ART3: variants seen among roughly 807,000 people sequenced by gnomAD.
The protein encoded by ART3 is ADP-ribosyltransferase 3 (inactive).
Under a neutral mutation model 48.5 loss-of-function variants are expected in ART3, and 49 were observed. The observed-to-expected ratio is 1.01, with a 90% confidence interval of 0.80 to 1.28. The LOEUF (loss-of-function observed/expected upper bound fraction) is 1.28, where lower values mean the gene tolerates loss of function less well. Ranked by LOEUF, ART3 falls within the 50% of genes most tolerant of loss-of-function variation. ART3 has a pLI of 0.00. For synonymous variants in ART3, 145 were observed against 157.2 expected, an observed-to-expected ratio of 0.92 and a Z score of 0.58; for missense variants, 438 against 454.3, an observed-to-expected ratio of 0.96 and a Z score of 0.33.
At chr4:76,089,190 A>G (rs1474822157) in intron 3 of ART3, among the ~76,000 whole-genome samples, 2 of 152,274 alleles carry the variant, frequency 1.3e-5, no homozygotes, top group East Asian at 1.9e-4. Context: ...ATTGTGTACT[A>G]TCTCATTTCC....
At chr4:76,068,035 G>A (rs995133692) in intron 1 of ART3, among the ~76,000 whole-genome samples, 1 of 152,144 alleles carries the variant, frequency 6.6e-6, no homozygotes, top group African/African-American at 2.4e-5. Context: ...TCATTCATGG[G>A]CCATTGCATT....
intron 1 of ART3, among the ~76,000 whole-genome samples, chr4:76,044,525 C>T (rs1195930381): frequency 6.6e-6 from 1 of 151,764 alleles, no homozygotes; most frequent in African/African-American, 2.4e-5. Context: ...CAGAAATTTA[C>T]CCTGGCTTTT....
At chr4:76,075,124 A>G in intron 1 of ART3, 1 of 152,182 alleles carries the variant, frequency 6.6e-6, no homozygotes. Context: ...AATCCAGAAT[A>G]TGGTGATTGG....
In ART3 at chr4:76,112,383, C is replaced by T. The variant is rs1267419679; in HGVS notation, c.1037-3C>T. The T allele has an allele frequency of 1.6e-5, 25 of 1,612,040 alleles. No homozygotes were observed. Among genetic ancestry groups the T allele is most frequent in the Non-Finnish European group, 2.0e-5 (24 of 1,179,254 alleles). ...GTCAGTGACTGTGTATTCTTGTTAA[C>T]AGCTCCAGGTCCAGTTCCTGTTCCA... is the stretch of plus-strand genomic sequence containing the variant. On this transcript the variant is annotated splice_region_variant and splice_polypyrimidine_tract_variant and intron_variant, in intron 11 of 11. Coordinates refer to ENST00000355810, the MANE Select transcript of ART3 (RefSeq NM_001130016.3).
chr4:76,047,551 T>C (rs934080374), intron 1 of ART3, among the ~76,000 whole-genome samples: 1 of 151,940 alleles, frequency 6.6e-6, no homozygotes, highest in Non-Finnish European at 1.5e-5. Flanking sequence ...TTATGGCGGA[T>C]ATCATTGAAT....
intron 3 of ART3, among the ~76,000 whole-genome samples, chr4:76,095,455 C>T (rs1401281067): frequency 4.6e-5 from 7 of 152,150 alleles, no homozygotes; most frequent in Non-Finnish European, 1.0e-4. Context: ...TTGCAGTGAG[C>T]CGAGATCGTG....
At chr4:76,020,174 T>G (rs1732663346) in intron 1 of ART3, among the ~76,000 whole-genome samples, 1 of 151,942 alleles carries the variant, frequency 6.6e-6, no homozygotes, top group South Asian at 2.1e-4. Flanking sequence ...TTGCCCAAGC[T>G]GGAGTGCAGT....
chr4:76,109,323 G>A (rs981162878), intron 11 of ART3, among the ~76,000 whole-genome samples: 24 of 151,838 alleles, frequency 1.6e-4, no homozygotes, highest in African/African-American at 5.8e-4. Context: ...TACAGGGTCA[G>A]GATCATCAAT....
chr4:76,070,143 A>C (rs1181967236), upstream of ART3, among the ~76,000 whole-genome samples: 1 of 151,322 alleles, frequency 6.6e-6, no homozygotes, highest in Non-Finnish European at 1.5e-5. Flanking sequence ...AGGTGTGAAC[A>C]TACACTTTAA....
rs570377152 is a variant in ART3, at chr4:76,041,807, C to A, written c.-10+30487C>A. 7.9e-5 allele frequency among the ~76,000 whole-genome samples: 12 copies of A among 152,320 alleles called. No individual in the cohort carries two copies. In the East Asian group the frequency reaches 2.3e-3, roughly 29 times the overall value. On this transcript the variant is annotated intron_variant, in intron 1 of 9. Coordinates refer to the ART3 transcript ENST00000341029. ...GCATGTATTATATACTGACTCCATA[C>A]TTATTTTAAACTAAAGCTGAGGTTG...
intron 1 of ART3, among the ~76,000 whole-genome samples, chr4:76,038,363 C>T (rs1446212622): frequency 1.3e-5 from 2 of 152,112 alleles, no homozygotes; most frequent in Non-Finnish European, 2.9e-5. Flanking sequence ...ATACAGGGCT[C>T]AGTACTATCT....
intron 9 of ART3, 184 bp from the exon 10 acceptor site, chr4:76,104,413 T>G (rs1728015999): frequency 1.0e-6 from 1 of 985,306 alleles, no homozygotes; most frequent in Admixed American, 6.2e-5. Context: ...AGAAGACTCC[T>G]CTAATCATGG....
intron 11 of ART3, among the ~76,000 whole-genome samples, chr4:76,108,620 CCT>C (rs1728908353): frequency 1.3e-5 from 2 of 151,938 alleles, no homozygotes; most frequent in Non-Finnish European, 2.9e-5. Context: ...GTAATGCCCC[CCT>C]GAGAACCACT....
At chr4:76,022,037 A>G in intron 1 of ART3, 2 of 1,226,440 alleles carry the variant, frequency 1.6e-6, no homozygotes, top group Admixed American at 1.7e-5. Flanking sequence ...AGTTCATAGA[A>G]TAGATAACTG....
intron 3 of ART3, among the ~76,000 whole-genome samples, chr4:76,082,916 G>A (rs1189567161): frequency 1.3e-5 from 2 of 151,666 alleles, no homozygotes; most frequent in African/African-American, 4.9e-5. Flanking sequence ...ACACAACAAA[G>A]AATTATATGG....
At chr4:76,079,586 T>C (rs998220740) in intron 2 of ART3, among the ~76,000 whole-genome samples, 6 of 152,152 alleles carry the variant, frequency 3.9e-5, no homozygotes, top group Admixed American at 6.5e-5. Context: ...AGAAAATACG[T>C]AGCCTTGAGG....
rs181362071 is a variant in ART3, at chr4:76,085,977, C to T, written c.781+3442C>T. The stretch of plus-strand genomic sequence containing the variant: ...ATCACAGCTACTTAGGAGGCTGAGA[C>T]AGGAGAATTGCTTGAACCCAGGAAG... On this transcript the variant is annotated intron_variant, in intron 3 of 11. Coordinates refer to ENST00000355810, the MANE Select transcript of ART3 (RefSeq NM_001130016.3). 2.4e-3 allele frequency among the ~76,000 whole-genome samples: 370 copies of T among 152,076 alleles called. 1 individual carries two copies. The highest frequency in any genetic ancestry group is 8.5e-3 in the African/African-American group (352 of 41,484).
At chr4:76,019,797 A>G (rs1355678912) in intron 1 of ART3, among the ~76,000 whole-genome samples, 1 of 151,764 alleles carries the variant, frequency 6.6e-6, no homozygotes, top group Non-Finnish European at 1.5e-5. Flanking sequence ...TATCTGTGGT[A>G]TATACATAGT....
chr4:76,052,275 G>A (rs1171838276), intron 1 of ART3, among the ~76,000 whole-genome samples: 3 of 152,118 alleles, frequency 2.0e-5, no homozygotes, highest in African/African-American at 7.2e-5. Context: ...TCTGGTATTT[G>A]AGAATGAGAT....
Sources: allele counts gnomAD v4.1 joint callset (sites outside exome capture counted in the v4.1 genomes callset), GRCh38; gene constraint gnomAD v4.1.1; transcripts MANE v1.5; gene names NCBI Gene and HGNC (gene_info 2026-07-23, HGNC 2026-07-21).